The following GALNT17 variants were observed in gnomAD, a reference collection of about 807,000 sequenced individuals.
GALNT17 encodes the protein polypeptide N-acetylgalactosaminyltransferase 17.
In GALNT17, 29 loss-of-function variants were observed where a neutral mutation model predicts 63.7. The ratio of observed to expected loss-of-function variants is 0.46; its 90% CI spans 0.34 to 0.62. The LOEUF (loss-of-function observed/expected upper bound fraction) is 0.62. GALNT17 is among the 20% of genes least tolerant of loss of function. The pLI, the probability that GALNT17 is intolerant of heterozygous loss-of-function variation, is 0.01. For missense variants in GALNT17, 603 were observed against 799.6 expected (o/e 0.75, Z 2.97); for synonymous variants, 305 against 318.3 (o/e 0.96, Z 0.45).
At chr7:71,334,684 T>A (rs1020342276) in intron 1 of GALNT17, among the ~76,000 whole-genome samples, 5 of 152,234 alleles carry the variant, frequency 3.3e-5, no homozygotes, top group Admixed American at 3.3e-4. Flanking sequence ...CAGTGAGGCT[T>A]GTTACAGAGG....
intron 1 of GALNT17, among the ~76,000 whole-genome samples, chr7:71,150,816 C>G (rs1039314133): frequency 2.0e-5 from 3 of 151,738 alleles, no homozygotes; most frequent in African/African-American, 7.3e-5. Flanking sequence ...CAATGATGGC[C>G]TTGGAGTTCA....
chr7:71,553,007 C>CT (rs1367418967), intron 5 of GALNT17, among the ~76,000 whole-genome samples: 1 of 152,072 alleles, frequency 6.6e-6, no homozygotes, highest in African/African-American at 2.4e-5. Context: ...TTTTGTTCAT[C>CT]TACAGTGGTT....
rs542136452 is a variant in GALNT17 at position 71,245,848 on chromosome 7, G to GTTTTTTTTTTTTTTTTTTTTTTTTT, written c.239-89686_239-89685insTTTTTTTTTTTTTTTTTTTTTTTTT. ...AGGTCTGCAGAGAGCAAGAGAGCAG[G>GTTTTTTTTTTTTTTTTTTTTTTTTT]TTTTTTTTTTTTTTTTGCAAAGGTA... On this transcript the variant is annotated intron_variant, in intron 1 of 10. Transcript: ENST00000333538. Among the ~76,000 whole-genome samples the GTTTTTTTTTTTTTTTTTTTTTTTTT allele has an allele frequency of 5.4e-4, 66 of 122,864 alleles. 1 individual carries two copies. Among genetic ancestry groups the GTTTTTTTTTTTTTTTTTTTTTTTTT allele is most frequent in the East Asian group, 1.4e-3 (6 of 4,336 alleles). 80.6% of individuals were successfully genotyped at this position (122,864 alleles called of 152,430 possible).
At chr7:71,200,220 C>T (rs149821649) in intron 1 of GALNT17, among the ~76,000 whole-genome samples, 347 of 152,274 alleles carry the variant, frequency 2.3e-3, no homozygotes, top group Non-Finnish European at 3.8e-3. Context: ...ATCATGTTGG[C>T]TTGAAAGCCC....
rs776371191 is a variant in GALNT17, at chr7:71,677,215, G to C, written c.1409G>C (p.Arg470Pro). 1 of 1,613,804 alleles carries C rather than the reference G, an allele frequency of 6.2e-7. No individual in the cohort carries two copies. The change falls in exon 9 of 11, where the codon CGC (arginine) becomes CCC (proline). Residue 470 changes from arginine to proline, a missense_variant. Physicochemically the swap from Arg to Pro is moderately radical, Grantham distance 103. Coordinates refer to ENST00000333538, the MANE Select transcript of GALNT17 (RefSeq NM_022479.3). ...YNNTVAYGELRNNKAKDVCLD... is the reference protein window; with the variant it reads ...YNNTVAYGELPNNKAKDVCLD... ...GTGTTTTGTCTATTCTTGCAGCTTC[G>C]CAACAACAAGGCAAAAGACGTCTGC...
At chr7:71,328,143 C>T (rs544072326) in intron 1 of GALNT17, among the ~76,000 whole-genome samples, 5 of 152,294 alleles carry the variant, frequency 3.3e-5, no homozygotes, top group Admixed American at 6.5e-5. Context: ...CTTAATCTGT[C>T]CTTCCTCTCT....
At chr7:71,598,780 A>C (rs1471598734) in intron 6 of GALNT17, among the ~76,000 whole-genome samples, 1 of 150,822 alleles carries the variant, frequency 6.6e-6, no homozygotes. Context: ...TGGAGACATT[A>C]AGTGACTAAG....
chr7:71,572,180 C>T (rs182192131), intron 6 of GALNT17, among the ~76,000 whole-genome samples: 2 of 151,286 alleles, frequency 1.3e-5, no homozygotes, highest in Admixed American at 1.3e-4. Context: ...AATTCAAAAC[C>T]AGGCTGGGCA....
intron 6 of GALNT17, among the ~76,000 whole-genome samples, chr7:71,636,911 G>C (rs994183680): frequency 3.9e-5 from 6 of 152,102 alleles, no homozygotes; most frequent in African/African-American, 7.2e-5. Context: ...GGGACGAAAA[G>C]AAGAGAAATG....
intron 2 of GALNT17, among the ~76,000 whole-genome samples, chr7:71,356,828 C>T (rs918136525): frequency 1.3e-5 from 2 of 152,162 alleles, no homozygotes; most frequent in African/African-American, 4.8e-5. Context: ...GTCACCCAGG[C>T]TGGAGTACAG....
At chr7:71,547,396 T>A (rs1168285539) in intron 5 of GALNT17, among the ~76,000 whole-genome samples, 2 of 152,062 alleles carry the variant, frequency 1.3e-5, no homozygotes, top group East Asian at 3.9e-4. Context: ...CTCAGTGATC[T>A]GCCTGCCTTG....
At chr7:71,165,950 CT>C (rs71080430) in intron 1 of GALNT17, among the ~76,000 whole-genome samples, 3 of 149,636 alleles carry the variant, frequency 2.0e-5, no homozygotes, top group African/African-American at 2.5e-5. Flanking sequence ...GAAAGCTGCT[CT>C]TTTTTTTTTC....
intron 9 of GALNT17, among the ~76,000 whole-genome samples, chr7:71,681,456 C>A (rs555628916): frequency 1.3e-5 from 2 of 152,258 alleles, no homozygotes; most frequent in East Asian, 1.9e-4. Flanking sequence ...GGTACTGAGC[C>A]TAGAGGACTT....
chr7:71,239,151 A>G (rs1789947968), intron 1 of GALNT17, among the ~76,000 whole-genome samples: 1 of 152,128 alleles, frequency 6.6e-6, no homozygotes, highest in African/African-American at 2.4e-5. Context: ...CCACCCATAG[A>G]AACTCTGGGA....
At chr7:71,142,809 C>T (rs1787940845) in intron 1 of GALNT17, among the ~76,000 whole-genome samples, 1 of 151,950 alleles carries the variant, frequency 6.6e-6, no homozygotes, top group Non-Finnish European at 1.5e-5. Flanking sequence ...GGCTTGGTGG[C>T]ACATACCTGT....
At chr7:71,583,521 T>G (rs2116903562) in intron 6 of GALNT17, among the ~76,000 whole-genome samples, 1 of 152,282 alleles carries the variant, frequency 6.6e-6, no homozygotes, top group East Asian at 1.9e-4. Context: ...TTCTTCCAGC[T>G]TTCACTGTTA....
At chr7:71,443,375 C>T (rs945644261) in intron 5 of GALNT17, among the ~76,000 whole-genome samples, 7 of 152,188 alleles carry the variant, frequency 4.6e-5, no homozygotes, top group Non-Finnish European at 1.0e-4. Flanking sequence ...GAATCTCATG[C>T]TGAAATTTGA....
At chr7:71,171,981 A>T (rs935198452) in intron 1 of GALNT17, among the ~76,000 whole-genome samples, 1 of 152,196 alleles carries the variant, frequency 6.6e-6, no homozygotes, top group African/African-American at 2.4e-5. Flanking sequence ...CCACCTATCC[A>T]ATCTTCAGGA....
intron 5 of GALNT17, among the ~76,000 whole-genome samples, chr7:71,466,939 C>G (rs971467531): frequency 6.7e-6 from 1 of 148,998 alleles, no homozygotes. Flanking sequence ...GGCTGTAACC[C>G]CTCCACCTTG....
Sources: allele counts gnomAD v4.1 joint callset (sites outside exome capture counted in the v4.1 genomes callset), GRCh38; gene constraint gnomAD v4.1.1; transcripts MANE v1.5; gene names NCBI Gene and HGNC (gene_info 2026-07-23, HGNC 2026-07-21).